RCAN2: variants seen among roughly 807,000 people sequenced by gnomAD.
The protein encoded by RCAN2 is regulator of calcineurin 2.
A neutral mutation model predicts 23.6 loss-of-function variants in RCAN2; 9 were observed. That is an observed-to-expected ratio of 0.38 (90% CI 0.23 to 0.67). RCAN2 has a LOEUF of 0.67. RCAN2 is among the 30% of genes least tolerant of loss of function. The pLI, the probability that RCAN2 is intolerant of heterozygous loss-of-function variation, is 0.51. For missense variants in RCAN2, 273 were observed against 302.3 expected (o/e 0.90, Z 0.72); for synonymous variants, 109 against 115.7 (o/e 0.94, Z 0.37).
rs188160843 is a variant in RCAN2 at position 46,417,151 on chromosome 6, C to T, written c.225+39601G>A. ...ATACATGTGTCATAGATGGAAAATG[C>T]TATGTCAAAATTCATGGGCATTTTT... On this transcript the variant is annotated intron_variant, in intron 2 of 4. Coordinates refer to ENST00000371374, the MANE Select transcript of RCAN2 (RefSeq NM_001251974.2). Among the ~76,000 whole-genome samples, 582 of 152,306 alleles carry T rather than the reference C, an allele frequency of 3.8e-3. 3 individuals carry two copies. The highest frequency in any genetic ancestry group is 0.013 in the African/African-American group (541 of 41,578).
chr6:46,313,260 G>T (rs1250340800), intron 2 of RCAN2, among the ~76,000 whole-genome samples: 1 of 152,056 alleles, frequency 6.6e-6, no homozygotes, highest in South Asian at 2.1e-4. Flanking sequence ...ACCATGGCAC[G>T]CTCTATGTTC....
At chr6:46,440,413 G>T (rs1767502451) in intron 2 of RCAN2, among the ~76,000 whole-genome samples, 1 of 151,394 alleles carries the variant, frequency 6.6e-6, no homozygotes. Context: ...AAAAGTTTGT[G>T]TGCATGTTAT....
chr6:46,406,264 C>T (rs575414767), intron 2 of RCAN2, among the ~76,000 whole-genome samples: 1 of 152,326 alleles, frequency 6.6e-6, no homozygotes, highest in South Asian at 2.1e-4. Context: ...AAGTGGGAAC[C>T]CAGGCAGAGG....
intron 2 of RCAN2, among the ~76,000 whole-genome samples, chr6:46,323,767 C>T (rs182148378): frequency 2.0e-5 from 3 of 152,268 alleles, no homozygotes; most frequent in East Asian, 1.9e-4. Context: ...AAGAAACCTT[C>T]GGCAGTTGGT....
At chr6:46,455,430 C>T (rs940704930) in intron 2 of RCAN2, among the ~76,000 whole-genome samples, 6 of 152,068 alleles carry the variant, frequency 3.9e-5, no homozygotes, top group Admixed American at 2.0e-4. Flanking sequence ...CAATCATATC[C>T]GTAAATCAGA....
intron 2 of RCAN2, among the ~76,000 whole-genome samples, chr6:46,301,283 G>A (rs541050044): frequency 4.5e-4 from 68 of 152,208 alleles, no homozygotes; most frequent in African/African-American, 1.5e-3. Context: ...CCCAGTGTCT[G>A]CATCTGTAAA....
chr6:46,376,124 A>C (rs1765452987), intron 2 of RCAN2, among the ~76,000 whole-genome samples: 1 of 152,196 alleles, frequency 6.6e-6, no homozygotes, highest in South Asian at 2.1e-4. Flanking sequence ...CAAGGTACAC[A>C]ACGCAGTCAG....
chr6:46,465,758 T>G (rs927580233), intron 1 of RCAN2, among the ~76,000 whole-genome samples: 1 of 152,208 alleles, frequency 6.6e-6, no homozygotes, highest in Non-Finnish European at 1.5e-5. Flanking sequence ...GAGGTCAGGC[T>G]CTGGGGCACA....
chr6:46,476,890 G>A (rs1036184996), intron 1 of RCAN2, among the ~76,000 whole-genome samples: 6 of 152,070 alleles, frequency 3.9e-5, no homozygotes, highest in South Asian at 2.1e-4. Flanking sequence ...TAAAACTTTC[G>A]GTCCCCCAAC....
chr6:46,460,712 C>T (rs1181429557), intron 1 of RCAN2, among the ~76,000 whole-genome samples: 8 of 152,296 alleles, frequency 5.3e-5, no homozygotes, highest in African/African-American at 7.2e-5. Context: ...TGTCTTCATC[C>T]ATGTATCTAC....
At chr6:46,378,256 G>C (rs1241323740) in intron 2 of RCAN2, among the ~76,000 whole-genome samples, 1 of 152,082 alleles carries the variant, frequency 6.6e-6, no homozygotes, top group Non-Finnish European at 1.5e-5. Flanking sequence ...ATACGAGAAA[G>C]AAAATAGAAT....
intron 4 of RCAN2, among the ~76,000 whole-genome samples, chr6:46,237,043 A>T (rs963292783): frequency 5.3e-5 from 8 of 152,082 alleles, no homozygotes; most frequent in Non-Finnish European, 1.0e-4. Context: ...GACTTCAAAG[A>T]ATGTGTTCAT....
intron 4 of RCAN2, among the ~76,000 whole-genome samples, chr6:46,239,120 G>T (rs749174652): frequency 5.9e-5 from 9 of 152,318 alleles, no homozygotes; most frequent in Non-Finnish European, 8.8e-5. Context: ...TCATCATCCT[G>T]AGGCAAGAGA....
intron 2 of RCAN2, among the ~76,000 whole-genome samples, chr6:46,372,272 G>T (rs80081578): frequency 0.024 from 3,654 of 152,260 alleles, 56 homozygotes; most frequent in Non-Finnish European, 0.037. Flanking sequence ...CACTTCATTT[G>T]TACTAGGTTC....
At chr6:46,304,977 C>A (rs1377614128) in intron 2 of RCAN2, among the ~76,000 whole-genome samples, 1 of 152,088 alleles carries the variant, frequency 6.6e-6, no homozygotes, top group Admixed American at 6.6e-5. Flanking sequence ...ATAGAATTAT[C>A]CAGTGCTTGT....
chr6:46,328,802 G>A (rs1763872935), intron 2 of RCAN2, among the ~76,000 whole-genome samples: 1 of 152,186 alleles, frequency 6.6e-6, no homozygotes, highest in African/African-American at 2.4e-5. Context: ...GAAGAGATGG[G>A]GTTTCACCAT....
intron 2 of RCAN2, among the ~76,000 whole-genome samples, chr6:46,275,499 C>G (rs764942958): frequency 1.3e-5 from 2 of 152,194 alleles, no homozygotes; most frequent in Non-Finnish European, 2.9e-5. Context: ...TAGAGACCTC[C>G]TCTAAGCCAC....
intron 2 of RCAN2, among the ~76,000 whole-genome samples, chr6:46,395,164 C>G (rs148253837): frequency 2.6e-5 from 4 of 152,218 alleles, no homozygotes; most frequent in Non-Finnish European, 5.9e-5. Flanking sequence ...AGATGAATAT[C>G]CAAGTCAGGC....
At chr6:46,292,181 T>C (rs1413170550) in intron 2 of RCAN2, among the ~76,000 whole-genome samples, 1 of 152,168 alleles carries the variant, frequency 6.6e-6, no homozygotes, top group African/African-American at 2.4e-5. Context: ...TGACAGTGCT[T>C]GGAAAGCTAC....
Sources: allele counts gnomAD v4.1 joint callset (sites outside exome capture counted in the v4.1 genomes callset), GRCh38; gene constraint gnomAD v4.1.1; transcripts MANE v1.5; gene names NCBI Gene and HGNC (gene_info 2026-07-23, HGNC 2026-07-21).